Variants in ILRUN observed in about 807,000 individuals in gnomAD.
ILRUN encodes the protein inflammation and lipid regulator with UBA-like and NBR1-like domains.
A neutral mutation model predicts 33.8 loss-of-function variants in ILRUN; 3 were observed. The ratio of observed to expected loss-of-function variants is 0.09; its 90% confidence interval spans 0.04 to 0.23. ILRUN has a LOEUF of 0.23. Ranked by LOEUF, ILRUN falls within the 10% of genes least tolerant of loss-of-function variation. ILRUN has a pLI of 1.00. For synonymous variants in ILRUN, 124 were observed against 138.9 expected (o/e 0.89, Z 0.75); for missense variants, 210 against 375.1 (o/e 0.56, Z 3.64).
Position 34,684,081 on chromosome 6 carries a change from C to CA in ILRUN, c.158+12364dup, listed in dbSNP as rs536526553. On this transcript the variant is annotated intron_variant, in intron 1 of 4. Coordinates refer to ENST00000374023, the MANE Select transcript of ILRUN (RefSeq NM_024294.4). ...TGACAGAGCTCTGTACCCCACCCCC[C>CA]AAAAAAACAAAAAACCAGGACATTT... is the stretch of plus-strand genomic sequence containing the variant. Among the ~76,000 whole-genome samples the CA allele has an allele frequency of 2.5e-4, 38 of 150,398 alleles. 1 individual carries two copies. In the East Asian group the frequency reaches 4.1e-3, roughly 16 times the overall value.
At position 34,589,227 on chromosome 6, in the gene ILRUN, A is replaced by AGGAT. The variant is rs1342343185; in HGVS notation, c.*1334_*1337dup. ...ACATCTCAACCTGCTCAGAATCTAC[A>AGGAT]GGATGCCAGGGCAGGCCACCTGCCT... On this transcript the variant is annotated 3_prime_UTR_variant, in exon 5 of 5. Transcript: ENST00000374023. 1 of 152,552 alleles carries AGGAT rather than the reference A, an allele frequency of 6.6e-6. No individual in the cohort carries two copies. The highest frequency in any genetic ancestry group is 1.5e-5 in the Non-Finnish European group (1 of 68,058). 9.4% of individuals were successfully genotyped at this position (152,552 alleles called of 1,614,324 possible). A position where few individuals can be genotyped will look rare whatever the true frequency, so the allele number is the denominator to read the frequency against.
chr6:34,593,912 T>A (rs1336056593), intron 4 of ILRUN, among the ~76,000 whole-genome samples: 1 of 151,698 alleles, frequency 6.6e-6, no homozygotes, highest in African/African-American at 2.4e-5. Flanking sequence ...GTCTGGGGAG[T>A]CCTATGGCAG....
chr6:34,627,950 C>T lies in ILRUN; in HGVS notation c.511+18651G>A, dbSNP rs541292256. On this transcript the variant is annotated intron_variant, in intron 3 of 4. Transcript: ENST00000374023. ...AATTCCTGAACTCAAGTGATCCACCCGCCTCAGTCCCCGAAGTACTGGGAT... is the reference window on the plus strand; with the variant it reads ...AATTCCTGAACTCAAGTGATCCACCTGCCTCAGTCCCCGAAGTACTGGGAT... 2.6e-3 allele frequency among the ~76,000 whole-genome samples: 391 copies of T among 151,586 alleles called. 6 individuals carry two copies. The highest frequency in any genetic ancestry group is 3.5e-3 in the Non-Finnish European group (236 of 68,010).
At chr6:34,629,290 C>G (rs867712543) in intron 3 of ILRUN, among the ~76,000 whole-genome samples, 2 of 152,122 alleles carry the variant, frequency 1.3e-5, no homozygotes, top group Non-Finnish European at 2.9e-5. Context: ...AAACTGTGTA[C>G]TTCAAGGAAT....
At chr6:34,600,923 T>C (rs934842409) in intron 4 of ILRUN, among the ~76,000 whole-genome samples, 1 of 152,192 alleles carries the variant, frequency 6.6e-6, no homozygotes, top group African/African-American at 2.4e-5. Flanking sequence ...AAGTCAAAAA[T>C]AACTGCTTTT....
At chr6:34,599,983 T>C (rs1374255974) in intron 4 of ILRUN, among the ~76,000 whole-genome samples, 1 of 152,204 alleles carries the variant, frequency 6.6e-6, no homozygotes, top group Admixed American at 6.5e-5. Context: ...GATCCGGACA[T>C]GGACCACTTC....
At chr6:34,632,600 C>A (rs1189342659) in intron 3 of ILRUN, among the ~76,000 whole-genome samples, 4 of 145,258 alleles carry the variant, frequency 2.8e-5, no homozygotes, top group Non-Finnish European at 5.9e-5. Flanking sequence ...GTCACCCAGG[C>A]TGCCTCCTGG....
chr6:34,620,603 C>T (rs977850920), intron 3 of ILRUN, among the ~76,000 whole-genome samples: 7 of 152,106 alleles, frequency 4.6e-5, no homozygotes, highest in African/African-American at 1.4e-4. Context: ...TCCCAGGAGG[C>T]TAAGGTAGAA....
intron 1 of ILRUN, among the ~76,000 whole-genome samples, chr6:34,677,049 A>G (rs373732494): frequency 3.3e-5 from 5 of 152,218 alleles, no homozygotes; most frequent in African/African-American, 1.2e-4. Flanking sequence ...GCTCACATCT[A>G]TAATCCTAGC....
intron 3 of ILRUN, among the ~76,000 whole-genome samples, chr6:34,614,037 A>G (rs531494889): frequency 7.2e-5 from 11 of 152,368 alleles, no homozygotes; most frequent in African/African-American, 2.4e-4. Context: ...TAAACCAACC[A>G]GAAAGAACTT....
intron 3 of ILRUN, among the ~76,000 whole-genome samples, chr6:34,617,672 C>A (rs189504565): frequency 6.6e-6 from 1 of 152,286 alleles, no homozygotes; most frequent in East Asian, 1.9e-4. Flanking sequence ...AGCAGAGTAC[C>A]GCTGAAGGAC....
chr6:34,661,221 T>C (rs542679672), intron 1 of ILRUN, among the ~76,000 whole-genome samples: 5 of 152,350 alleles, frequency 3.3e-5, no homozygotes, highest in African/African-American at 1.2e-4. Flanking sequence ...TAATAGTACA[T>C]AGTTATGTAT....
intron 1 of ILRUN, among the ~76,000 whole-genome samples, chr6:34,692,429 G>A (rs1219874530): frequency 6.6e-6 from 1 of 152,194 alleles, no homozygotes; most frequent in East Asian, 1.9e-4. Context: ...TTAATCATCA[G>A]AGCAAGTTGA....
chr6:34,641,504 T>C lies in ILRUN; in HGVS notation c.511+5097A>G, dbSNP rs139757687. 4.3e-3 allele frequency among the ~76,000 whole-genome samples: 658 copies of C among 152,272 alleles called. 2 individuals are homozygous for C. Among genetic ancestry groups the C allele is most frequent in the Non-Finnish European group, 6.9e-3 (468 of 68,018 alleles). On this transcript the variant is annotated intron_variant, in intron 3 of 4. Transcript: ENST00000374023. The stretch of plus-strand genomic sequence containing the variant: ...ATACCCCACAGAGCTCCAGCGGTCA[T>C]CCCAGACACACAAGGGCTGGAAAAC...
intron 1 of ILRUN, among the ~76,000 whole-genome samples, chr6:34,695,845 A>C (rs1581567578): frequency 6.3e-5 from 9 of 142,832 alleles, no homozygotes; most frequent in East Asian, 2.3e-4. Context: ...CCCTCACCAT[A>C]CCCCCTTGTC....
At chr6:34,671,142 C>T (rs927566792) in intron 1 of ILRUN, among the ~76,000 whole-genome samples, 1 of 152,046 alleles carries the variant, frequency 6.6e-6, no homozygotes, top group Non-Finnish European at 1.5e-5. Flanking sequence ...GGCTGGGGTC[C>T]GGGCGTGTAA....
At chr6:34,617,824 C>T (rs568459125) in intron 3 of ILRUN, among the ~76,000 whole-genome samples, 21 of 152,216 alleles carry the variant, frequency 1.4e-4, no homozygotes, top group African/African-American at 5.1e-4. Flanking sequence ...CCTCAAAAAA[C>T]GTATTAAGCT....
chr6:34,642,922 C>T (rs897120336), intron 3 of ILRUN, among the ~76,000 whole-genome samples: 11 of 143,260 alleles, frequency 7.7e-5, no homozygotes, highest in Non-Finnish European at 1.2e-4. Context: ...GAGCCAAGGA[C>T]TTTGAGGCTG....
intron 1 of ILRUN, among the ~76,000 whole-genome samples, chr6:34,665,292 CAAAAAAAAAAAAAA>C (rs60761039): frequency 2.6e-5 from 2 of 76,454 alleles, no homozygotes; most frequent in Non-Finnish European, 5.4e-5. Context: ...CCCTTTTCTA[CAAAAAAAAAAAAAA>C]AAAAAAAATT....
Sources: gnomAD v4.1 joint callset for allele counts (sites outside exome capture counted in the v4.1 genomes callset) on GRCh38, gnomAD v4.1.1 for gene constraint, MANE v1.5 for transcripts, NCBI Gene and HGNC (gene_info 2026-07-23, HGNC 2026-07-21) for gene names.